CCDC154: variants seen among roughly 807,000 people sequenced by gnomAD.
CCDC154 encodes the protein coiled-coil domain containing 154.
In CCDC154, 91 loss-of-function variants were observed where a neutral mutation model predicts 87.5. The ratio of observed to expected loss-of-function variants is 1.04; its 90% CI spans 0.88 to 1.24. The LOEUF is 1.24. Among genes scored for constraint, CCDC154 ranks in the 50% most tolerant of loss-of-function variants. CCDC154 has a pLI of 0.00. For synonymous variants in CCDC154, 418 were observed against 400.4 expected (o/e 1.04, Z -0.52); for missense variants, 903 against 879.2 (o/e 1.03, Z -0.34).
At chr16:1,443,159 C>G in intron 4 of CCDC154, 102 bp downstream of exon 4, 1 of 1,425,350 alleles carries the variant, frequency 7.0e-7, no homozygotes, top group Admixed American at 2.2e-5. Context: ...CCCACTCCAG[C>G]GACACCCAGC....
In CCDC154 at chr16:1,436,524, G is replaced by C. The variant is rs1400524389; in HGVS notation, c.1411-3C>G. 6.5e-6 allele frequency: 10 copies of C among 1,548,894 alleles called. No individual in the cohort carries two copies. The highest frequency in any genetic ancestry group is 8.7e-6 in the Non-Finnish European group (10 of 1,146,888). ...CACTTGTCGGAGACACTCTCTATCTGAACACAGAGCCGGGAGCGGCGGGCA... is the reference window on the plus strand; with the variant it reads ...CACTTGTCGGAGACACTCTCTATCTCAACACAGAGCCGGGAGCGGCGGGCA... On this transcript the variant is annotated splice_polypyrimidine_tract_variant and splice_region_variant and intron_variant, in intron 12 of 16. Coordinates refer to ENST00000389176, the MANE Select transcript of CCDC154 (RefSeq NM_001143980.3).
chr16:1,438,714 G>A lies in CCDC154; in HGVS notation c.930C>T (p.Cys310=). The change falls in exon 9 of 17, where the codon TGC becomes TGT. Residue 310 remains cysteine (C), a synonymous_variant. Coordinates refer to ENST00000389176, the MANE Select transcript of CCDC154 (RefSeq NM_001143980.3). ...GGGCCACGGCAGCATCCAGGCCCTG[G>A]CACTGCTCCAGGAGGTGGCTCTCCT... ...QHEESHLLEQ[C]QGLDAAVAQL... The A allele has an allele frequency of 6.5e-7, 1 of 1,549,928 alleles. No homozygotes were observed. Among genetic ancestry groups the A allele is most frequent in the Non-Finnish European group, 8.7e-7 (1 of 1,146,736 alleles).
chr16:1,434,590 ACCTGCTGCCTGTG>A, intron 16 of CCDC154, 56 bp from the exon 17 acceptor site: 3 of 916,854 alleles, frequency 3.3e-6, no homozygotes, highest in Admixed American at 3.4e-5. Context: ...CCCATGGCCC[ACCTGCTGCCTGTG>A]GGCCCCCAGC....
At position 1,443,528 on chromosome 16, in the gene CCDC154, G is replaced by A; in HGVS notation, c.392C>T (p.Ala131Val). The A allele has an allele frequency of 6.8e-7, 1 of 1,477,250 alleles. No homozygotes were observed. Among genetic ancestry groups the A allele is most frequent in the Non-Finnish European group, 8.9e-7 (1 of 1,122,078 alleles). 91.5% of individuals were successfully genotyped at this position (1,477,250 alleles called of 1,614,324 possible). The stretch of plus-strand genomic sequence containing the variant: ...CACCTCCGGCGCCTCCTTTTCGGGG[G>A]CCTGGGCTGCCGGCCGCGCCTCCTG... Reference protein sequence around the residue: ...LQQEARPAAQAPEKEAPEFSG... With the variant: ...LQQEARPAAQVPEKEAPEFSG... Residue 131 changes from alanine to valine, a missense_variant, in exon 3 of 17, where the codon GCC (alanine) becomes GTC (valine). Coordinates refer to ENST00000389176, the MANE Select transcript of CCDC154 (RefSeq NM_001143980.3).
In CCDC154 at chr16:1,436,118, G is replaced by A. The variant is rs769293219; in HGVS notation, c.1488-32C>T. The A allele has an allele frequency of 2.7e-5, 41 of 1,522,220 alleles. No individual in the cohort carries two copies. The African/African-American group carries it at 4.7e-4, about 17-fold the overall frequency. The allele number at this position is 1,522,220 out of a possible 1,614,324, so 94.3% of individuals were successfully genotyped here. ...GCACCAGAGGCCGAGGCTGGCTGTCGGGTGTGCTCGGGGGTAGGGCCAGGA... is the reference window on the plus strand; with the variant it reads ...GCACCAGAGGCCGAGGCTGGCTGTCAGGTGTGCTCGGGGGTAGGGCCAGGA... On this transcript the variant is annotated intron_variant, in intron 13 of 16. Transcript: ENST00000389176.
Position 1,436,101 on chromosome 16 carries a change from G to A in CCDC154, c.1488-15C>T. The A allele has an allele frequency of 6.5e-7, 1 of 1,545,676 alleles. No individual in the cohort carries two copies. Among genetic ancestry groups the A allele is most frequent in the Non-Finnish European group, 8.7e-7 (1 of 1,143,154 alleles). ...CCTTGAACTCCCTATGGGCACCAGA[G>A]GCCGAGGCTGGCTGTCGGGTGTGCT... On this transcript the variant is annotated splice_polypyrimidine_tract_variant and intron_variant, in intron 13 of 16. Coordinates refer to ENST00000389176, the MANE Select transcript of CCDC154 (RefSeq NM_001143980.3).
chr16:1,437,356 T>C lies in CCDC154; in HGVS notation c.1290+461A>G, dbSNP rs547645529. On this transcript the variant is annotated intron_variant, in intron 11 of 16. Transcript: ENST00000389176. ...GGGGCCCAGCGGTCGCCAGGGGAAG[T>C]GGGGATGGGAATGAGTGCGGATGGG... 3 of 176,436 alleles carry C rather than the reference T, an allele frequency of 1.7e-5. No individual in the cohort carries two copies. The East Asian group carries it at 5.1e-4, about 30-fold the overall frequency. 10.9% of individuals were successfully genotyped at this position (176,436 alleles called of 1,614,324 possible). A position where few individuals can be genotyped will look rare whatever the true frequency, so the allele number is the denominator to read the frequency against.
In CCDC154 at chr16:1,438,162, C is replaced by T. The variant is rs547611079; in HGVS notation, c.1040G>A (p.Arg347His). 4.2e-5 allele frequency: 65 copies of T among 1,543,144 alleles called. No individual in the cohort carries two copies. The highest frequency in any genetic ancestry group is 6.8e-5 in the African/African-American group (5 of 73,068). ...AEEKAWDAKG[R>H]LEESRAGELA... ...CTCCCCAGCCCGGCTTTCCTCCAAG[C>T]GCCCCTTGGCGTCCCTAGGGGTTGG... Residue 347 changes from arginine (R) to histidine (H), a missense_variant, in exon 10 of 17, where the codon CGC becomes CAC. Arg to His is a conservative substitution (Grantham distance 29). Transcript: ENST00000389176.
rs756712895 is a variant in CCDC154, at chr16:1,442,946, C to G, written c.485G>C (p.Arg162Pro). ...CTGTTGCACCTGCCTCCTCCTGAGC[C>G]GGGTCAAGGCTTCCCGGACCTCCAC... ...RLVEVREALT[R>P]LRRRQVQQEA... The change falls in exon 5 of 17, where the codon CGG becomes CCG. Residue 162 changes from arginine (R) to proline (P), a missense_variant. By Grantham distance (103) the Arg-to-Pro change is moderately radical. Coordinates refer to ENST00000389176, the MANE Select transcript of CCDC154 (RefSeq NM_001143980.3). The G allele has an allele frequency of 6.5e-6, 10 of 1,549,928 alleles. No homozygotes were observed. In the African/African-American group the frequency reaches 1.2e-4, roughly 19 times the overall value.
intron 15 of CCDC154, 28 bp downstream of exon 15, chr16:1,435,061 C>G: frequency 6.5e-7 from 1 of 1,540,296 alleles, no homozygotes; most frequent in South Asian, 1.2e-5. Context: ...GGGAGCTGGG[C>G]GGTGCCGGCC....
At chr16:1,438,533 T>A in intron 9 of CCDC154, 86 bp downstream of exon 9, 1 of 1,256,278 alleles carries the variant, frequency 8.0e-7, no homozygotes, top group Non-Finnish European at 1.1e-6. Flanking sequence ...GGTCATTCCC[T>A]GCTGAGTCGG....
intron 2 of CCDC154, 32 bp downstream of exon 2, chr16:1,443,764 C>T (rs1203980444): frequency 3.8e-6 from 5 of 1,303,962 alleles, no homozygotes; most frequent in African/African-American, 1.5e-5. Flanking sequence ...GCGACGTGGT[C>T]CTCCCCCGCC....
At chr16:1,435,377 C>G in intron 14 of CCDC154, 1 of 604,724 alleles carries the variant, frequency 1.7e-6, no homozygotes, top group South Asian at 2.0e-5. Flanking sequence ...CTGCGGGGAC[C>G]TGGCCAGGGC....
intron 11 of CCDC154, 98 bp downstream of exon 11, chr16:1,437,719 C>A: frequency 7.3e-7 from 1 of 1,370,334 alleles, no homozygotes; most frequent in Non-Finnish European, 9.6e-7. Flanking sequence ...TTGGGACCGG[C>A]CTGTCAGGCC....
At position 1,443,481 on chromosome 16, in the gene CCDC154, AC is replaced by A. The variant is rs779591997; in HGVS notation, c.414+24del. ...CAACACCCAGGAAAGGGGCAGCTCG[AC>A]CTGTGGGTGGGGGAGCCGCTCACCT... On this transcript the variant is annotated intron_variant, in intron 3 of 16. Coordinates refer to ENST00000389176, the MANE Select transcript of CCDC154 (RefSeq NM_001143980.3). The A allele has an allele frequency of 1.9e-5, 27 of 1,444,572 alleles. 1 individual carries two copies. In the South Asian group the frequency reaches 3.8e-4, roughly 20 times the overall value. 89.5% of individuals were successfully genotyped at this position (1,444,572 alleles called of 1,614,324 possible). A position where few individuals can be genotyped will look rare whatever the true frequency, so the allele number is the denominator to read the frequency against.
At position 1,444,523 on chromosome 16, in the gene CCDC154, G is replaced by C; in HGVS notation, c.-201C>G. 2.5e-6 allele frequency: 1 copy of C among 393,482 alleles called. No homozygotes were observed. The highest frequency in any genetic ancestry group is 4.6e-6 in the Non-Finnish European group (1 of 218,280). The allele number at this position is 393,482 out of a possible 1,614,324, so 24.4% of individuals were successfully genotyped here. ...CCCAGGGAGGCAGGTGTGGGGCAGCGGGGCCGTTCCAGAACCTTCCTTCTC... is the reference window on the plus strand; with the variant it reads ...CCCAGGGAGGCAGGTGTGGGGCAGCCGGGCCGTTCCAGAACCTTCCTTCTC... On this transcript the variant is annotated 5_prime_UTR_variant, in exon 1 of 17. Coordinates refer to ENST00000389176, the MANE Select transcript of CCDC154 (RefSeq NM_001143980.3).
At chr16:1,440,677 G>A (rs2038543595) in intron 6 of CCDC154, among the ~76,000 whole-genome samples, 2 of 151,698 alleles carry the variant, frequency 1.3e-5, no homozygotes, top group African/African-American at 2.4e-5. Context: ...CGGGCTGGGC[G>A]CAGTGGCTCA....
At position 1,442,887 on chromosome 16, in the gene CCDC154, C is replaced by G; in HGVS notation, c.544G>C (p.Gly182Arg). ...AERRGAEQEAGLRLAKLTDLL... is the reference protein window; with the variant it reads ...AERRGAEQEARLRLAKLTDLL... ...CGGGCGGTGGGCGCCCACCTGAGGC[C>G]GGCCTCTTGCTCGGCGCCCCTTCTC... is the stretch of plus-strand genomic sequence containing the variant. Residue 182 changes from glycine (G) to arginine (R), a missense_variant, in exon 5 of 17, where the codon GGC becomes CGC. Coordinates refer to ENST00000389176, the MANE Select transcript of CCDC154 (RefSeq NM_001143980.3). The G allele has an allele frequency of 6.5e-7, 1 of 1,549,040 alleles. No individual in the cohort carries two copies. Among genetic ancestry groups the G allele is most frequent in the Non-Finnish European group, 8.7e-7 (1 of 1,146,596 alleles).
Position 1,442,982 on chromosome 16 carries a change from CACA to C in CCDC154, c.456-10_456-8del. On this transcript the variant is annotated splice_polypyrimidine_tract_variant and splice_region_variant and intron_variant, in intron 4 of 16. Coordinates refer to ENST00000389176, the MANE Select transcript of CCDC154 (RefSeq NM_001143980.3). ...TTCCCGGACCTCCACCAGCCTGGGA[CACA>C]ACAAGCCATTCCCGAGAGGCCCAGG... 1 of 1,549,994 alleles carries C rather than the reference CACA, an allele frequency of 6.5e-7. No individual in the cohort carries two copies. Among genetic ancestry groups the C allele is most frequent in the Non-Finnish European group, 8.7e-7 (1 of 1,146,834 alleles).
Sources: gnomAD v4.1 joint callset for allele counts (sites outside exome capture counted in the v4.1 genomes callset) on GRCh38, gnomAD v4.1.1 for gene constraint, MANE v1.5 for transcripts, NCBI Gene and HGNC (gene_info 2026-07-23, HGNC 2026-07-21) for gene names.